OTOF: variants seen among roughly 807,000 people sequenced by gnomAD.
OTOF encodes the protein otoferlin, also known as fer-1-like family member 2.
Under a neutral mutation model 236.8 loss-of-function variants are expected in OTOF, and 218 were observed. The ratio of observed to expected loss-of-function variants is 0.92; its 90% CI spans 0.82 to 1.03. OTOF has a LOEUF of 1.03. OTOF is among the 50% of genes least tolerant of loss of function. The pLI is 0.00. For missense variants in OTOF, 2,590 were observed against 2,694.4 expected (o/e 0.96, Z 0.86); for synonymous variants, 1,041 against 1,072.5 (o/e 0.97, Z 0.57).
chr2:26,487,018 T>C (rs1056129146), intron 11 of OTOF, among the ~76,000 whole-genome samples: 1 of 152,152 alleles, frequency 6.6e-6, no homozygotes, highest in Non-Finnish European at 1.5e-5. Flanking sequence ...TCTATGAGGA[T>C]GAGTGTATGG....
intron 8 of OTOF, among the ~76,000 whole-genome samples, chr2:26,499,550 C>T (rs1666068780): frequency 6.6e-6 from 1 of 151,922 alleles, no homozygotes; most frequent in African/African-American, 2.4e-5. Context: ...CTCTGTTGCC[C>T]AGGTTGGAGT....
intron 41 of OTOF, among the ~76,000 whole-genome samples, chr2:26,463,042 G>A (rs997903151): frequency 2.0e-5 from 3 of 152,240 alleles, no homozygotes; most frequent in Non-Finnish European, 2.9e-5. Flanking sequence ...ACACTAGCCT[G>A]GATGTGAGGA....
At chr2:26,472,124 G>T (rs59310832) in intron 30 of OTOF, among the ~76,000 whole-genome samples, 1 of 147,062 alleles carries the variant, frequency 6.8e-6, no homozygotes, top group East Asian at 2.1e-4. Flanking sequence ...CACACCACAC[G>T]CACGCACGTG....
At chr2:26,522,511 G>A (rs746902810) in intron 3 of OTOF, among the ~76,000 whole-genome samples, 4 of 152,288 alleles carry the variant, frequency 2.6e-5, no homozygotes, top group Admixed American at 6.5e-5. Flanking sequence ...GACCCTGCCC[G>A]CCGCAGCTGG....
rs754887048 is a variant in OTOF, at chr2:26,461,962, C to A, written c.5292-25G>T. ...CCTGTGGGCGCCACATCTCCAGACC[C>A]GCAGCCAGGCTGGTGGGGCCTCTCC... On this transcript the variant is annotated intron_variant, in intron 42 of 46. Coordinates refer to ENST00000272371, the MANE Select transcript of OTOF (RefSeq NM_194248.3). The surrounding 1 kb of genome is among the most constrained non-coding windows in gnomAD (Gnocchi z 6.2). 3 of 1,613,932 alleles carry A rather than the reference C, an allele frequency of 1.9e-6. No individual in the cohort carries two copies. In the South Asian group the frequency reaches 3.3e-5, roughly 18 times the overall value.
intron 8 of OTOF, among the ~76,000 whole-genome samples, chr2:26,500,886 G>C (rs1666100663): frequency 6.6e-6 from 1 of 152,128 alleles, no homozygotes; most frequent in South Asian, 2.1e-4. Flanking sequence ...TGGTAGATGG[G>C]GCTCACTCTG....
intron 40 of OTOF, 103 bp downstream of exon 40, chr2:26,463,861 G>T: frequency 6.8e-7 from 1 of 1,479,166 alleles, no homozygotes; most frequent in Non-Finnish European, 9.4e-7. Flanking sequence ...TTTCTGGAAT[G>T]CAGCGGACAG....
rs1244109929 is a variant in OTOF at position 26,461,107 on chromosome 2, C to T, written c.5534-77G>A. 1.3e-5 allele frequency: 15 copies of T among 1,146,726 alleles called. No homozygotes were observed. The East Asian group carries it at 1.5e-4, about 12-fold the overall frequency. The allele number at this position is 1,146,726 out of a possible 1,614,324, so 71.0% of individuals were successfully genotyped here. A position where few individuals can be genotyped will look rare whatever the true frequency, so the allele number is the denominator to read the frequency against. On this transcript the variant is annotated intron_variant, in intron 43 of 46. Coordinates refer to ENST00000272371, the MANE Select transcript of OTOF (RefSeq NM_194248.3). This position sits in a 1 kb window ranked among gnomAD's most constrained non-coding sequence, Gnocchi z 6.2. ...GGTGGGGGTGGGGGTCTGGGCTCCT[C>T]GGCCCCTTGTTTGCTGAGTGCAGAC... is the stretch of plus-strand genomic sequence containing the variant.
At chr2:26,485,245 C>T (rs1266570186) in intron 11 of OTOF, among the ~76,000 whole-genome samples, 1 of 152,246 alleles carries the variant, frequency 6.6e-6, no homozygotes, top group African/African-American at 2.4e-5. Context: ...TTCTCTCCAC[C>T]TCCACCTGTC....
At chr2:26,496,250 T>G (rs1665981213) in intron 8 of OTOF, among the ~76,000 whole-genome samples, 1 of 151,778 alleles carries the variant, frequency 6.6e-6, no homozygotes, top group South Asian at 2.1e-4. Flanking sequence ...TTTTTTTTTT[T>G]TCACACTGAG....
At chr2:26,530,234 T>A (rs562859209) in intron 2 of OTOF, among the ~76,000 whole-genome samples, 1 of 151,940 alleles carries the variant, frequency 6.6e-6, no homozygotes, top group Non-Finnish European at 1.5e-5. Flanking sequence ...AGGTGGGGTG[T>A]TGAACGGTGG....
chr2:26,460,663 G>A lies in OTOF; in HGVS notation c.5797C>T (p.Pro1933Ser), dbSNP rs1201429541. ...GGCACTCACTTGGGTTTCTCTAGGGGGTCAGGTTCATTGCGGGCCAGGCCC... is the reference window on the plus strand; with the variant it reads ...GGCACTCACTTGGGTTTCTCTAGGGAGTCAGGTTCATTGCGGGCCAGGCCC... ...PVGLARNEPDPLEKPNRPDTS... is the reference protein window; with the variant it reads ...PVGLARNEPDSLEKPNRPDTS... The change falls in exon 45 of 47, where the codon CCC becomes TCC. Residue 1933 changes from proline to serine, a missense_variant. This residue lies in a region of OTOF where 1,211 missense variants were observed against 1,352.8 expected (regional missense o/e 0.90). Coordinates refer to ENST00000272371, the MANE Select transcript of OTOF (RefSeq NM_194248.3). The surrounding 1 kb of genome is among the most constrained non-coding windows in gnomAD (Gnocchi z 5.3). 6 of 1,613,964 alleles carry A rather than the reference G, an allele frequency of 3.7e-6. No individual in the cohort carries two copies. In the African/African-American group the frequency reaches 4.0e-5, roughly 11 times the overall value.
Position 26,460,031 on chromosome 2 carries a change from C to T in OTOF, c.5988G>A (p.Gly1996=). 6.4e-7 allele frequency: 1 copy of T among 1,568,028 alleles called. No individual in the cohort carries two copies. Among genetic ancestry groups the T allele is most frequent in the Non-Finnish European group, 8.6e-7 (1 of 1,156,592 alleles). Reference sequence around the variant, plus strand: ...ACCCAGGAGGCCACTGGGCTCAGGCCCCGAGGATTTTCTTGACCAGGTAGC... The same window carrying T: ...ACCCAGGAGGCCACTGGGCTCAGGCTCCGAGGATTTTCTTGACCAGGTAGC... The part of the protein sequence containing the change: ...VPGYLVKKIL[G]A The change falls in exon 46 of 47, where the codon GGG becomes GGA. Residue 1996 remains glycine, a synonymous_variant. Transcript: ENST00000272371. This position sits in a 1 kb window ranked among gnomAD's most constrained non-coding sequence, Gnocchi z 5.3.
intron 32 of OTOF, among the ~76,000 whole-genome samples, chr2:26,469,866 C>T (rs1289193360): frequency 6.6e-6 from 1 of 152,200 alleles, no homozygotes; most frequent in Non-Finnish European, 1.5e-5. Context: ...GCTCTGGCCC[C>T]ACTGAGGAAA....
intron 1 of OTOF, among the ~76,000 whole-genome samples, chr2:26,543,915 C>T (rs113232818): frequency 0.037 from 5,706 of 152,250 alleles, 304 homozygotes; most frequent in East Asian, 0.12. Flanking sequence ...GACAGGGTTT[C>T]ACCAGCATGT....
At chr2:26,503,116 A>G (rs1666157780) in intron 6 of OTOF, among the ~76,000 whole-genome samples, 2 of 152,110 alleles carry the variant, frequency 1.3e-5, no homozygotes, top group African/African-American at 4.8e-5. Flanking sequence ...AGTAGGCCAC[A>G]GAGGGGATGC....
chr2:26,482,844 TGTGC>T (rs1665587408), intron 13 of OTOF, among the ~76,000 whole-genome samples: 1 of 146,150 alleles, frequency 6.8e-6, no homozygotes, highest in African/African-American at 2.6e-5. Flanking sequence ...TGGGTGCATG[TGTGC>T]GTGAGTGGAT....
At position 26,475,404 on chromosome 2, in the gene OTOF, G is replaced by A. The variant is rs139027901; in HGVS notation, c.3081C>T (p.Asp1027=). The A allele has an allele frequency of 1.1e-5, 18 of 1,613,102 alleles. No homozygotes were observed. Among genetic ancestry groups the A allele is most frequent in the Admixed American group, 8.3e-5 (5 of 60,018 alleles). The change falls in exon 25 of 47, where the codon GAC becomes GAT. Residue 1027 remains aspartate, a synonymous_variant. Coordinates refer to ENST00000272371, the MANE Select transcript of OTOF (RefSeq NM_194248.3). The part of the protein sequence containing the change: ...ELYGEAHELR[D]DPPIIVIEIY... Reference sequence around the variant, plus strand: ...TTTCAATGACAATGATGGGCGGATCGTCCCTCAGCTCATGAGCTTCACCAT... The same window carrying A: ...TTTCAATGACAATGATGGGCGGATCATCCCTCAGCTCATGAGCTTCACCAT...
rs765253034 is a variant in OTOF at position 26,471,111 on chromosome 2, C to G, written c.3894+10G>C. On this transcript the variant is annotated intron_variant, in intron 31 of 46. Coordinates refer to ENST00000272371, the MANE Select transcript of OTOF (RefSeq NM_194248.3). ...TCACCCCAGAGCCCCTGCATGGCCCCCACACTCACCACATCCACCTTGACA... is the reference window on the plus strand; with the variant it reads ...TCACCCCAGAGCCCCTGCATGGCCCGCACACTCACCACATCCACCTTGACA... 1 of 1,614,066 alleles carries G rather than the reference C, an allele frequency of 6.2e-7. No individual in the cohort carries two copies. Among genetic ancestry groups the G allele is most frequent in the South Asian group, 1.1e-5 (1 of 91,086 alleles).
Sources: allele counts gnomAD v4.1 joint callset (sites outside exome capture counted in the v4.1 genomes callset), GRCh38; gene constraint gnomAD v4.1.1; regional missense constraint gnomAD v4.1.1; non-coding constraint Gnocchi (gnomAD v3.1); transcripts MANE v1.5; gene names NCBI Gene and HGNC (gene_info 2026-07-23, HGNC 2026-07-21).